The following MAP3K7CL variants were observed in gnomAD, a reference collection of about 807,000 sequenced individuals.
MAP3K7CL encodes MAP3K7 C-terminal like.
A neutral mutation model predicts 18.6 loss-of-function variants in MAP3K7CL; 16 were observed. The ratio of observed to expected loss-of-function variants is 0.86; its 90% CI spans 0.58 to 1.31. The LOEUF (loss-of-function observed/expected upper bound fraction) is 1.31. Among genes scored for constraint, MAP3K7CL ranks in the 50% most tolerant of loss-of-function variants. The probability of loss-of-function intolerance (pLI) is 0.00; values close to 1 mark genes in which losing one functional copy is unlikely to be tolerated. For synonymous variants in MAP3K7CL, 65 were observed against 66.8 expected, an observed-to-expected ratio of 0.97 and a Z score of 0.13; for missense variants, 163 against 174.4, an observed-to-expected ratio of 0.93 and a Z score of 0.37.
At chr21:29,149,759 A>G (rs1017603022) in intron 3 of MAP3K7CL, among the ~76,000 whole-genome samples, 1 of 152,218 alleles carries the variant, frequency 6.6e-6, no homozygotes, top group Non-Finnish European at 1.5e-5. Context: ...ACCCATGACA[A>G]ATTATTTTGT....
intron 4 of MAP3K7CL, chr21:29,109,217 G>A: frequency 6.5e-7 from 1 of 1,535,344 alleles, no homozygotes. Flanking sequence ...TAAGTATTAA[G>A]TGCTATGAGC....
chr21:29,130,336 A>T (rs1462711754), upstream of MAP3K7CL: 1 of 152,350 alleles, frequency 6.6e-6, no homozygotes, highest in East Asian at 1.9e-4. Context: ...CTTAACCAGG[A>T]TCCTCGCTGC....
At chr21:29,108,673 C>T (rs1171548136) in intron 4 of MAP3K7CL, among the ~76,000 whole-genome samples, 2 of 152,298 alleles carry the variant, frequency 1.3e-5, no homozygotes, top group African/African-American at 2.4e-5. Flanking sequence ...CCAGTATCCT[C>T]ATTTGTCAAA....
chr21:29,119,235 C>G (rs1257156263), intron 4 of MAP3K7CL, among the ~76,000 whole-genome samples: 1 of 152,204 alleles, frequency 6.6e-6, no homozygotes, highest in African/African-American at 2.4e-5. Context: ...AAATAGTCAA[C>G]GATGGTTATT....
chr21:29,130,820 G>C lies in MAP3K7CL; in HGVS notation c.-143G>C. 1.0e-6 allele frequency: 1 copy of C among 985,562 alleles called. No individual in the cohort carries two copies. Among genetic ancestry groups the C allele is most frequent in the Non-Finnish European group, 1.2e-6 (1 of 830,036 alleles). The allele number at this position is 985,562 out of a possible 1,614,324, so 61.1% of individuals were successfully genotyped here. A position where few individuals can be genotyped will look rare whatever the true frequency, so the allele number is the denominator to read the frequency against. ...ATTGTCAGTGGCTGCTATGCAGCAG[G>C]TGCAGCCTGGTCTCTCACTGAGTCT... On this transcript the variant is annotated 5_prime_UTR_variant, in exon 1 of 5. Transcript: ENST00000399928.
intron 3 of MAP3K7CL, among the ~76,000 whole-genome samples, chr21:29,157,870 A>G (rs1442141800): frequency 1.3e-5 from 2 of 152,240 alleles, no homozygotes; most frequent in Admixed American, 6.5e-5. Flanking sequence ...AAATTACAGC[A>G]GCAAAAGACA....
chr21:29,124,617 C>CT (rs956035794), intron 4 of MAP3K7CL, among the ~76,000 whole-genome samples: 1 of 152,198 alleles, frequency 6.6e-6, no homozygotes, highest in African/African-American at 2.4e-5. Context: ...TCCAAAAACT[C>CT]TGAGGATCAG....
chr21:29,159,465 C>T (rs1315767418), intron 3 of MAP3K7CL, among the ~76,000 whole-genome samples: 1 of 152,152 alleles, frequency 6.6e-6, no homozygotes, highest in East Asian at 1.9e-4. Flanking sequence ...AAATGCATTT[C>T]TCAGAAGAGA....
chr21:29,136,379 T>A (rs892284888), intron 2 of MAP3K7CL, among the ~76,000 whole-genome samples: 1 of 152,192 alleles, frequency 6.6e-6, no homozygotes, highest in African/African-American at 2.4e-5. Flanking sequence ...CCCCTAGACT[T>A]TCATAGTAAA....
chr21:29,098,225 A>C (rs1455695812), intron 4 of MAP3K7CL, among the ~76,000 whole-genome samples: 1 of 152,268 alleles, frequency 6.6e-6, no homozygotes, highest in African/African-American at 2.4e-5. Flanking sequence ...GAAATAAGCT[A>C]AATAAAATTT....
chr21:29,138,571 T>C (rs566577132), intron 2 of MAP3K7CL, among the ~76,000 whole-genome samples: 53 of 152,370 alleles, frequency 3.5e-4, no homozygotes, highest in Non-Finnish European at 6.2e-4. Context: ...ATTTAGACCT[T>C]GGCTTTGGAA....
intron 3 of MAP3K7CL, among the ~76,000 whole-genome samples, chr21:29,156,442 A>G (rs1247405712): frequency 6.6e-6 from 1 of 152,220 alleles, no homozygotes; most frequent in Non-Finnish European, 1.5e-5. Flanking sequence ...TTTACATGTC[A>G]TGTTACTTAA....
intron 1 of MAP3K7CL, among the ~76,000 whole-genome samples, chr21:29,132,613 G>T (rs2086800834): frequency 6.6e-6 from 1 of 152,008 alleles, no homozygotes; most frequent in African/African-American, 2.4e-5. Context: ...GGGTTCAAGC[G>T]ATTTTCTTGC....
chr21:29,097,822 C>T (rs1024235414), intron 4 of MAP3K7CL, among the ~76,000 whole-genome samples: 4 of 152,030 alleles, frequency 2.6e-5, no homozygotes, highest in Non-Finnish European at 5.9e-5. Flanking sequence ...TTCTACCCCC[C>T]GCACCCAGAT....
chr21:29,154,653 T>C (rs954818954), intron 3 of MAP3K7CL, among the ~76,000 whole-genome samples: 2 of 152,204 alleles, frequency 1.3e-5, no homozygotes, highest in African/African-American at 4.8e-5. Context: ...ATCTGGGAAA[T>C]GAAAATGATA....
chr21:29,092,382 T>A, intron 3 of MAP3K7CL: 1 of 1,593,012 alleles, frequency 6.3e-7, no homozygotes, highest in Non-Finnish European at 8.6e-7. Flanking sequence ...CATCAAAAGG[T>A]CTGTGCGGGG....
intron 3 of MAP3K7CL, 54 bp from the exon 4 acceptor site, chr21:29,159,887 G>T: frequency 7.0e-7 from 1 of 1,423,214 alleles, no homozygotes; most frequent in Admixed American, 1.9e-5. Context: ...AAAATGGTTG[G>T]TAATTTATCC....
chr21:29,120,488 G>A (rs932137008), intron 4 of MAP3K7CL, among the ~76,000 whole-genome samples: 1 of 152,120 alleles, frequency 6.6e-6, no homozygotes, highest in African/African-American at 2.4e-5. Flanking sequence ...TTAAAGGGGC[G>A]TTTTGTGCAT....
At chr21:29,092,289 C>T in intron 3 of MAP3K7CL, 1 of 907,266 alleles carries the variant, frequency 1.1e-6, no homozygotes, top group South Asian at 1.8e-5. Context: ...GATGAGAAAC[C>T]TTTCCAGATT....
Sources: gnomAD v4.1 joint callset for allele counts (sites outside exome capture counted in the v4.1 genomes callset) on GRCh38, gnomAD v4.1.1 for gene constraint, MANE v1.5 for transcripts, NCBI Gene and HGNC (gene_info 2026-07-23, HGNC 2026-07-21) for gene names.